The following ITSN1 variants were observed in gnomAD, a reference collection of about 807,000 sequenced individuals.
The protein encoded by ITSN1 is intersectin 1, also known as intersectin-1.
A neutral mutation model predicts 239.8 loss-of-function variants in ITSN1; 58 were observed. That is an observed-to-expected ratio of 0.24 (90% confidence interval 0.20 to 0.30). The LOEUF (loss-of-function observed/expected upper bound fraction) is 0.30, where lower values mean the gene tolerates loss of function less well. Ranked by LOEUF, ITSN1 falls within the 10% of genes least tolerant of loss-of-function variation. The pLI, the probability that ITSN1 is intolerant of heterozygous loss-of-function variation, is 1.00. For missense variants in ITSN1, 1,558 were observed against 2,103.3 expected (o/e 0.74, Z 5.07); for synonymous variants, 780 against 770.8 (o/e 1.01, Z -0.20).
At position 33,672,081 on chromosome 21, in the gene ITSN1, C is replaced by T. The variant is rs2090320851; in HGVS notation, c.-33+29368C>T. Among the ~76,000 whole-genome samples the T allele has an allele frequency of 2.6e-5, 4 of 151,898 alleles. No individual in the cohort carries two copies. In the South Asian group the frequency reaches 8.3e-4, roughly 31 times the overall value. On this transcript the variant is annotated intron_variant, in intron 1 of 39. Transcript: ENST00000381318. Reference sequence around the variant, plus strand: ...CCAACATGGAGAAACTCCGTCTCTACTAAAAATACAAAATTAGCCAGCGTG... The same window carrying T: ...CCAACATGGAGAAACTCCGTCTCTATTAAAAATACAAAATTAGCCAGCGTG...
intron 1 of ITSN1, among the ~76,000 whole-genome samples, chr21:33,683,788 A>C (rs2091098127): frequency 6.6e-6 from 1 of 152,238 alleles, no homozygotes; most frequent in Non-Finnish European, 1.5e-5. Flanking sequence ...ATGTAGATTT[A>C]GGGAACTCAG....
At position 33,763,993 on chromosome 21, in the gene ITSN1, G is replaced by T. The variant is rs1342829148; in HGVS notation, c.789-1882G>T. On this transcript the variant is annotated intron_variant, in intron 9 of 39. Coordinates refer to ENST00000381318, the MANE Select transcript of ITSN1 (RefSeq NM_003024.3). Reference sequence around the variant, plus strand: ...TTTTGTATGAAAGAGCTTGCCTTTGGCAGTAGACCAGACCAGTTAATAAAC... The same window carrying T: ...TTTTGTATGAAAGAGCTTGCCTTTGTCAGTAGACCAGACCAGTTAATAAAC... Among the ~76,000 whole-genome samples the T allele has an allele frequency of 2.6e-5, 4 of 152,110 alleles. No homozygotes were observed. In the East Asian group the frequency reaches 7.7e-4, roughly 29 times the overall value.
chr21:33,841,437 A>G (rs1237191213), intron 29 of ITSN1, among the ~76,000 whole-genome samples: 1 of 152,224 alleles, frequency 6.6e-6, no homozygotes, highest in South Asian at 2.1e-4. Flanking sequence ...ACCGGTGACT[A>G]TAGAAAACAC....
At chr21:33,772,605 T>C in intron 12 of ITSN1, among the ~76,000 whole-genome samples, 1 of 152,228 alleles carries the variant, frequency 6.6e-6, no homozygotes, top group East Asian at 1.9e-4. Context: ...TTTTTATAAA[T>C]GGAATCATCA....
Position 33,750,231 on chromosome 21 carries a change from C to G in ITSN1, c.435C>G (p.Thr145=). 1 of 1,614,066 alleles carries G rather than the reference C, an allele frequency of 6.2e-7. No homozygotes were observed. The highest frequency in any genetic ancestry group is 1.1e-5 in the South Asian group (1 of 91,072). The part of the protein sequence containing the change: ...GSIPVVGMSP[T]LVSSVPTAAV... ...TTCCAGTTGTTGGAATGTCTCCAAC[C>G]CTAGTATCTTCTGTTCCCACAGCAG... is the stretch of plus-strand genomic sequence containing the variant. Residue 145 remains threonine, a synonymous_variant, in exon 6 of 40, where the codon ACC becomes ACG. Transcript: ENST00000381318.
At position 33,888,015 on chromosome 21, in the gene ITSN1, C is replaced by T. The variant is rs1986055626; in HGVS notation, c.5018-137C>T. 14 of 784,948 alleles carry T rather than the reference C, an allele frequency of 1.8e-5. No individual in the cohort carries two copies. The South Asian group carries it at 2.7e-4, about 15-fold the overall frequency. 48.6% of individuals were successfully genotyped at this position (784,948 alleles called of 1,614,324 possible). A position where few individuals can be genotyped will look rare whatever the true frequency, so the allele number is the denominator to read the frequency against. On this transcript the variant is annotated intron_variant, in intron 39 of 39. Coordinates refer to ENST00000381318, the MANE Select transcript of ITSN1 (RefSeq NM_003024.3). ...TCCGCTGGGGAGCGAGTTGGAAATCCTAGTGTTGGTTTACATCAGAGCCCA... is the reference window on the plus strand; with the variant it reads ...TCCGCTGGGGAGCGAGTTGGAAATCTTAGTGTTGGTTTACATCAGAGCCCA...
chr21:33,884,915 T>C lies in ITSN1; in HGVS notation c.4677-126T>C, dbSNP rs1411706083. ...CACGTGACATAAAATCAGATTTTCTTTCCCGAGCCTTTGTTGTTAAAATCA... is the reference window on the plus strand; with the variant it reads ...CACGTGACATAAAATCAGATTTTCTCTCCCGAGCCTTTGTTGTTAAAATCA... On this transcript the variant is annotated intron_variant, in intron 36 of 39. Coordinates refer to ENST00000381318, the MANE Select transcript of ITSN1 (RefSeq NM_003024.3). 3 of 688,736 alleles carry C rather than the reference T, an allele frequency of 4.4e-6. No homozygotes were observed. In the Admixed American group the frequency reaches 8.0e-5, roughly 18 times the overall value. 42.7% of individuals were successfully genotyped at this position (688,736 alleles called of 1,614,324 possible). A position where few individuals can be genotyped will look rare whatever the true frequency, so the allele number is the denominator to read the frequency against.
rs1313787666 is a variant in ITSN1, at chr21:33,874,653, TC to T, written c.4174-700del. Among the ~76,000 whole-genome samples, 5 of 141,882 alleles carry T rather than the reference TC, an allele frequency of 3.5e-5. 1 individual carries two copies. The highest frequency in any genetic ancestry group is 2.4e-4 in the South Asian group (1 of 4,158). The allele number at this position is 141,882 out of a possible 152,430, so 93.1% of individuals were successfully genotyped here. On this transcript the variant is annotated intron_variant, in intron 33 of 39. Transcript: ENST00000381318. ...ACAGGGTGAATATTTTCTTTTTCTTTCTTTTTTTTTTTTTGAGACGGAGCCT... is the reference window on the plus strand; with the variant it reads ...ACAGGGTGAATATTTTCTTTTTCTTTTTTTTTTTTTTTTGAGACGGAGCCT...
intron 1 of ITSN1, among the ~76,000 whole-genome samples, chr21:33,705,094 G>C (rs536933441): frequency 1.6e-5 from 2 of 128,452 alleles, no homozygotes; most frequent in East Asian, 2.3e-4. Flanking sequence ...CTGGGCAACA[G>C]AGCAAGACTC....
intron 22 of ITSN1, 168 bp downstream of exon 22, chr21:33,814,240 T>C: frequency 1.8e-6 from 1 of 561,378 alleles, no homozygotes; most frequent in South Asian, 2.5e-5. Context: ...CTGTGAATAG[T>C]TGGGAGTTGG....
At chr21:33,877,443 G>A (rs886274351) in intron 34 of ITSN1, among the ~76,000 whole-genome samples, 4 of 152,302 alleles carry the variant, frequency 2.6e-5, no homozygotes, top group African/African-American at 7.2e-5. Flanking sequence ...AGGGGTTTGG[G>A]CATCACAGCC....
chr21:33,797,549 T>A lies in ITSN1; in HGVS notation c.2123T>A (p.Leu708His), dbSNP rs2148044641. The change falls in exon 18 of 40, where the codon CTT becomes CAT. Residue 708 changes from leucine (L) to histidine (H), a missense_variant. This residue lies in a region of ITSN1 where 982 missense variants were observed against 1,209.9 expected (regional missense o/e 0.81). Transcript: ENST00000381318. The surrounding 1 kb of genome is among the most constrained non-coding windows in gnomAD (Gnocchi z 4.9). ...GAAGCACAAGACAAGCTGGGTCGGC[T>A]TTTCCATCAACACCAAGAACCAGCT... ...KQEAQDKLGR[L>H]FHQHQEPAKP... The A allele has an allele frequency of 1.2e-6, 2 of 1,614,024 alleles. No homozygotes were observed. Among genetic ancestry groups the A allele is most frequent in the East Asian group, 4.5e-5 (2 of 44,874 alleles).
chr21:33,684,622 CT>C (rs2091145828), intron 1 of ITSN1, among the ~76,000 whole-genome samples: 1 of 151,810 alleles, frequency 6.6e-6, no homozygotes, highest in Non-Finnish European at 1.5e-5. Flanking sequence ...AAGAGGGTCT[CT>C]TATTAGGATG....
In ITSN1 at chr21:33,867,230, C is replaced by T; in HGVS notation, c.4075-3C>T. 6.3e-7 allele frequency: 1 copy of T among 1,582,820 alleles called. No homozygotes were observed. The highest frequency in any genetic ancestry group is 8.7e-7 in the Non-Finnish European group (1 of 1,151,694). ...AAGTACATTTAAAAACATCTCATTTCAGAGATTGGCAATGGATCCTCGGTG... is the reference window on the plus strand; with the variant it reads ...AAGTACATTTAAAAACATCTCATTTTAGAGATTGGCAATGGATCCTCGGTG... On this transcript the variant is annotated splice_polypyrimidine_tract_variant and splice_region_variant and intron_variant, in intron 32 of 39. Transcript: ENST00000381318.
rs935960722 is a variant in ITSN1, at chr21:33,894,624, A to C, written c.*6324A>C. 6.6e-6 allele frequency: 1 copy of C among 152,142 alleles called. No homozygotes were observed. The highest frequency in any genetic ancestry group is 6.6e-5 in the Admixed American group (1 of 15,264). The allele number at this position is 152,142 out of a possible 1,614,324, so 9.4% of individuals were successfully genotyped here. ...CTAAGGTTTCTTTTTAGGCAGTGGT[A>C]AGAATGCGTATTTTCTTCTTCCAGA... On this transcript the variant is annotated 3_prime_UTR_variant, in exon 40 of 40. Transcript: ENST00000381318.
At chr21:33,710,081 GTT>G (rs535357439) in intron 1 of ITSN1, among the ~76,000 whole-genome samples, 3 of 131,350 alleles carry the variant, frequency 2.3e-5, no homozygotes, top group Non-Finnish European at 3.3e-5. Flanking sequence ...ATTTTTTTTT[GTT>G]TTTTTTTTTT....
intron 26 of ITSN1, chr21:33,828,980 A>G (rs1415036674): frequency 1.7e-5 from 8 of 471,460 alleles, no homozygotes; most frequent in Non-Finnish European, 3.5e-5. Context: ...CCCTCCTGTA[A>G]CGTGAAATAA....
intron 36 of ITSN1, 85 bp downstream of exon 36, chr21:33,883,756 A>G (rs1031176071): frequency 5.3e-6 from 8 of 1,501,770 alleles, no homozygotes; most frequent in Admixed American, 1.8e-5. Context: ...TCAGGTGCCA[A>G]TGTTTCCCAA....
chr21:33,794,229 C>G (rs1569192066), intron 16 of ITSN1, 112 bp from the exon 17 acceptor site: 2 of 769,094 alleles, frequency 2.6e-6, no homozygotes, highest in Non-Finnish European at 4.3e-6. Flanking sequence ...AACTCTGAAA[C>G]GTTATCTCCT....
Sources: allele counts gnomAD v4.1 joint callset (sites outside exome capture counted in the v4.1 genomes callset), GRCh38; gene constraint gnomAD v4.1.1; regional missense constraint gnomAD v4.1.1; non-coding constraint Gnocchi (gnomAD v3.1); transcripts MANE v1.5; gene names NCBI Gene and HGNC (gene_info 2026-07-23, HGNC 2026-07-21).